CNBD1: variants seen among roughly 807,000 people sequenced by gnomAD.
CNBD1 encodes cyclic nucleotide binding domain containing 1, also known as cyclic nucleotide-binding domain-containing protein 1.
CNBD1 carries 71 observed loss-of-function variants against 54.4 expected under a neutral mutation model. The observed-to-expected ratio is 1.30, with a 90% confidence interval of 1.08 to 1.59. The LOEUF (loss-of-function observed/expected upper bound fraction) is 1.59. Ranked by LOEUF, CNBD1 falls within the 40% of genes most tolerant of loss-of-function variation. The probability of loss-of-function intolerance (pLI) is 0.00; values close to 1 mark genes in which losing one functional copy is unlikely to be tolerated. For missense variants in CNBD1, 659 were observed against 518.0 expected (o/e 1.27, Z -2.64); for synonymous variants, 182 against 170.7 (o/e 1.07, Z -0.51).
chr8:87,357,110 T>C (rs1418002427), intron 10 of CNBD1, among the ~76,000 whole-genome samples: 1 of 152,146 alleles, frequency 6.6e-6, no homozygotes, highest in Non-Finnish European at 1.5e-5. Flanking sequence ...ATATTCTACC[T>C]AGATTTCAGA....
At chr8:87,238,950 G>A (rs942150063) in intron 6 of CNBD1, among the ~76,000 whole-genome samples, 4 of 151,802 alleles carry the variant, frequency 2.6e-5, no homozygotes, top group African/African-American at 4.8e-5. Flanking sequence ...TATCTCAGAC[G>A]TCTGAGATAT....
At chr8:87,423,628 A>G (rs1199186091) in intron 2 of CNBD1, among the ~76,000 whole-genome samples, 3 of 147,394 alleles carry the variant, frequency 2.0e-5, no homozygotes, top group African/African-American at 7.8e-5. Context: ...GATGAAGCCC[A>G]CTTGATCATG....
chr8:86,908,999 G>GC (rs1257993065), intron 3 of CNBD1, among the ~76,000 whole-genome samples: 3 of 152,056 alleles, frequency 2.0e-5, no homozygotes, highest in African/African-American at 7.2e-5. Flanking sequence ...CTCGTGATCT[G>GC]CCCGCCTTGG....
chr8:87,160,272 AAT>A (rs1221589801), intron 4 of CNBD1, among the ~76,000 whole-genome samples: 4 of 152,010 alleles, frequency 2.6e-5, no homozygotes, highest in Non-Finnish European at 5.9e-5. Context: ...TATGTTATAA[AAT>A]ATGTTAAAAT....
At chr8:87,185,635 A>G (rs1215264957) in intron 4 of CNBD1, among the ~76,000 whole-genome samples, 1 of 152,142 alleles carries the variant, frequency 6.6e-6, no homozygotes, top group Non-Finnish European at 1.5e-5. Context: ...CTTTTTAGAA[A>G]CAAGAACTAT....
intron 4 of CNBD1, among the ~76,000 whole-genome samples, chr8:86,956,444 T>C (rs1266919052): frequency 6.6e-6 from 1 of 152,198 alleles, no homozygotes; most frequent in East Asian, 1.9e-4. Flanking sequence ...TTCACGACAT[T>C]GATTCTTTCT....
intron 2 of CNBD1, among the ~76,000 whole-genome samples, chr8:87,401,405 C>T (rs1168398893): frequency 6.6e-6 from 1 of 152,048 alleles, no homozygotes; most frequent in Non-Finnish European, 1.5e-5. Flanking sequence ...CAAAAGTTAA[C>T]CACAGATGCT....
chr8:87,169,030 A>G (rs1445503161), intron 4 of CNBD1, among the ~76,000 whole-genome samples: 2 of 151,952 alleles, frequency 1.3e-5, no homozygotes, highest in East Asian at 3.9e-4. Flanking sequence ...TGGTTGTACT[A>G]CTTTACATTC....
intron 5 of CNBD1, among the ~76,000 whole-genome samples, chr8:87,232,410 A>G (rs1284411709): frequency 6.6e-6 from 1 of 152,160 alleles, no homozygotes; most frequent in African/African-American, 2.4e-5. Context: ...AGAATTCTAG[A>G]TGTTTCACAT....
intron 4 of CNBD1, among the ~76,000 whole-genome samples, chr8:87,122,360 A>G (rs961295626): frequency 6.6e-6 from 1 of 151,824 alleles, no homozygotes; most frequent in Non-Finnish European, 1.5e-5. Flanking sequence ...TTCTTTGAGA[A>G]ATTTCTGCTC....
At chr8:87,245,404 C>T (rs1038305550) in intron 6 of CNBD1, among the ~76,000 whole-genome samples, 55 of 152,080 alleles carry the variant, frequency 3.6e-4, no homozygotes, top group Middle Eastern at 3.4e-3. Flanking sequence ...CACATATAAA[C>T]ATTAACTCCG....
intron 4 of CNBD1, among the ~76,000 whole-genome samples, chr8:87,096,258 T>A (rs576045348): frequency 2.0e-5 from 3 of 152,220 alleles, no homozygotes; most frequent in East Asian, 1.9e-4. Flanking sequence ...TCTGACTAGA[T>A]GAAGTCCCTA....
intron 4 of CNBD1, among the ~76,000 whole-genome samples, chr8:86,952,766 C>T (rs1331548434): frequency 6.6e-6 from 1 of 151,992 alleles, no homozygotes; most frequent in Non-Finnish European, 1.5e-5. Context: ...ACTTTTGACA[C>T]GTGTAAATCT....
intron 10 of CNBD1, among the ~76,000 whole-genome samples, chr8:87,373,633 G>A (rs1473735361): frequency 6.6e-6 from 1 of 151,712 alleles, no homozygotes; most frequent in Non-Finnish European, 1.5e-5. Context: ...AAGTCTAATT[G>A]TCTGTAGATG....
chr8:87,281,221 C>G (rs542297230), intron 6 of CNBD1, among the ~76,000 whole-genome samples: 1 of 151,586 alleles, frequency 6.6e-6, no homozygotes, highest in South Asian at 2.1e-4. Context: ...GTTTCAAAGT[C>G]ACATTTTAAA....
intron 10 of CNBD1, among the ~76,000 whole-genome samples, chr8:87,376,473 T>C (rs1183885552): frequency 6.6e-6 from 1 of 151,934 alleles, no homozygotes; most frequent in Non-Finnish European, 1.5e-5. Context: ...GATGTAACCA[T>C]TTAGCCCATG....
At chr8:87,327,709 T>A (rs987392796) in intron 8 of CNBD1, among the ~76,000 whole-genome samples, 1 of 152,104 alleles carries the variant, frequency 6.6e-6, no homozygotes, top group Non-Finnish European at 1.5e-5. Context: ...GTCTGGCACT[T>A]CCTAGTGAGA....
intron 6 of CNBD1, among the ~76,000 whole-genome samples, chr8:87,261,082 G>A (rs1563528191): frequency 6.6e-6 from 1 of 152,132 alleles, no homozygotes; most frequent in African/African-American, 2.4e-5. Flanking sequence ...GACCCAGTCA[G>A]AGGTAAGAGA....
intron 3 of CNBD1, among the ~76,000 whole-genome samples, chr8:86,907,675 A>C (rs1461118634): frequency 1.3e-5 from 2 of 151,928 alleles, no homozygotes; most frequent in African/African-American, 2.4e-5. Context: ...TAAAAAAAAA[A>C]CAAAAACAAA....
Sources: gnomAD v4.1 joint callset for allele counts (sites outside exome capture counted in the v4.1 genomes callset) on GRCh38, gnomAD v4.1.1 for gene constraint, MANE v1.5 for transcripts, NCBI Gene and HGNC (gene_info 2026-07-23, HGNC 2026-07-21) for gene names.